The following LOC122539214 variants were observed in gnomAD, a reference collection of about 807,000 sequenced individuals.
the LOC122539214 span, among the ~76,000 whole-genome samples, chr19:52,688,050 T>C: frequency 6.6e-6 from 1 of 152,082 alleles, no homozygotes; most frequent in Admixed American, 6.6e-5. Flanking sequence ...TTTAAAATTC[T>C]CAATCTCATC....
chr19:52,669,590 G>A, the LOC122539214 span, among the ~76,000 whole-genome samples: 42 of 152,238 alleles, frequency 2.8e-4, no homozygotes, highest in East Asian at 1.2e-3. Flanking sequence ...ACAACACTGC[G>A]CCCATTGAAA....
the LOC122539214 span, among the ~76,000 whole-genome samples, chr19:52,683,695 A>G: frequency 0.77 from 117,812 of 152,122 alleles, 46,185 homozygotes; most frequent in African/African-American, 0.88. Context: ...CTGACCTTAG[A>G]GAGGCCTTCT....
At chr19:52,667,731 G>C in the LOC122539214 span, among the ~76,000 whole-genome samples, 1 of 152,116 alleles carries the variant, frequency 6.6e-6, no homozygotes, top group Non-Finnish European at 1.5e-5. Context: ...TTTTCTTAAA[G>C]CACTAACATG....
At chr19:52,681,700 T>TG in the LOC122539214 span, among the ~76,000 whole-genome samples, 1 of 152,080 alleles carries the variant, frequency 6.6e-6, no homozygotes, top group African/African-American at 2.4e-5. Context: ...TATAACCACC[T>TG]AAGTAAAAGA....
chr19:52,662,670 G>A, the LOC122539214 span, among the ~76,000 whole-genome samples: 1 of 151,944 alleles, frequency 6.6e-6, no homozygotes, highest in African/African-American at 2.4e-5. Flanking sequence ...TCATTTCAGG[G>A]GTCAGTGTCA....
chr19:52,651,156 C>T, the LOC122539214 span: 2 of 152,290 alleles, frequency 1.3e-5, no homozygotes, highest in Admixed American at 1.3e-4. Flanking sequence ...CTGTTCAAAC[C>T]ACTCATCCTG....
chr19:52,684,363 A>C, the LOC122539214 span, among the ~76,000 whole-genome samples: 193 of 151,916 alleles, frequency 1.3e-3, 1 homozygote, highest in African/African-American at 4.3e-3. Context: ...GAGACTCAAA[A>C]ATAAAATATA....
chr19:52,681,741 T>C, the LOC122539214 span, among the ~76,000 whole-genome samples: 1 of 152,212 alleles, frequency 6.6e-6, no homozygotes, highest in Non-Finnish European at 1.5e-5. Flanking sequence ...GACACAGGTT[T>C]ATCTAATGGA....
At chr19:52,685,340 G>A in the LOC122539214 span, among the ~76,000 whole-genome samples, 1 of 152,046 alleles carries the variant, frequency 6.6e-6, no homozygotes, top group Non-Finnish European at 1.5e-5. Context: ...CTTACATGGG[G>A]GCCTGGAAGG....
At chr19:52,686,562 AT>A in the LOC122539214 span, among the ~76,000 whole-genome samples, 4 of 151,222 alleles carry the variant, frequency 2.6e-5, no homozygotes, top group African/African-American at 9.7e-5. Flanking sequence ...TACCCCTTTT[AT>A]TTTTTATTTT....
the LOC122539214 span, among the ~76,000 whole-genome samples, chr19:52,685,377 A>T: frequency 2.0e-5 from 3 of 151,920 alleles, no homozygotes; most frequent in Non-Finnish European, 4.4e-5. Flanking sequence ...GGTCTTTATC[A>T]CCCCTATCCT....
the LOC122539214 span, among the ~76,000 whole-genome samples, chr19:52,678,423 C>G: frequency 7.6e-6 from 1 of 132,076 alleles, no homozygotes; most frequent in South Asian, 2.4e-4. Flanking sequence ...GCACTCCAGC[C>G]TGGGTGACAG....
At chr19:52,662,201 G>A in the LOC122539214 span, among the ~76,000 whole-genome samples, 2 of 152,134 alleles carry the variant, frequency 1.3e-5, no homozygotes, top group African/African-American at 4.8e-5. Flanking sequence ...ACAAATAATG[G>A]AATTCATTTC....
chr19:52,671,249 A>G, the LOC122539214 span, among the ~76,000 whole-genome samples: 1 of 152,182 alleles, frequency 6.6e-6, no homozygotes, highest in Non-Finnish European at 1.5e-5. Context: ...GGACAAGATA[A>G]AAAAATCAGA....
the LOC122539214 span, among the ~76,000 whole-genome samples, chr19:52,687,614 G>GTATATATATATAATGTGTA: frequency 8.6e-5 from 1 of 11,628 alleles, no homozygotes; most frequent in African/African-American, 1.0e-3. Flanking sequence ...TATATATAAT[G>GTATATATATATAATGTGTA]TGTATATATA....
At chr19:52,682,312 T>C in the LOC122539214 span, among the ~76,000 whole-genome samples, 1 of 152,140 alleles carries the variant, frequency 6.6e-6, no homozygotes, top group African/African-American at 2.4e-5. Flanking sequence ...TAGAGGTCAG[T>C]AGATCAAGGC....
chr19:52,665,609 T>A, the LOC122539214 span, among the ~76,000 whole-genome samples: 1 of 152,210 alleles, frequency 6.6e-6, no homozygotes, highest in Non-Finnish European at 1.5e-5. Context: ...CAACCTTTTT[T>A]AATCACCTGC....
At chr19:52,673,622 C>T in the LOC122539214 span, among the ~76,000 whole-genome samples, 2 of 152,074 alleles carry the variant, frequency 1.3e-5, no homozygotes, top group Non-Finnish European at 2.9e-5. Flanking sequence ...CAAAAATGAG[C>T]CAATAACGAT....
At chr19:52,673,027 G>A in the LOC122539214 span, among the ~76,000 whole-genome samples, 7 of 151,858 alleles carry the variant, frequency 4.6e-5, no homozygotes, top group South Asian at 1.5e-3. Flanking sequence ...CAGGTGTGGT[G>A]GCTCAAACCT....
Sources: allele counts gnomAD v4.1 joint callset (sites outside exome capture counted in the v4.1 genomes callset), GRCh38; gene constraint gnomAD v4.1.1; transcripts MANE v1.5.